The following CDK10 variants were observed in gnomAD, a reference collection of about 807,000 sequenced individuals.
The protein encoded by CDK10 is cyclin dependent kinase 10.
Under a neutral mutation model 51.0 loss-of-function variants are expected in CDK10, and 55 were observed. The ratio of observed to expected loss-of-function variants is 1.08; its 90% CI spans 0.87 to 1.35. The LOEUF (loss-of-function observed/expected upper bound fraction) is 1.35, where lower values mean the gene tolerates loss of function less well. Among genes scored for constraint, CDK10 ranks in the 40% most tolerant of loss-of-function variants. The pLI is 0.00. For missense variants in CDK10, 589 were observed against 485.1 expected (o/e 1.21, Z -2.01); for synonymous variants, 255 against 199.1 (o/e 1.28, Z -2.36).
chr16:89,695,149 CG>C (rs1335613975), intron 11 of CDK10, 79 bp downstream of exon 11: 12 of 1,552,700 alleles, frequency 7.7e-6, no homozygotes, highest in Non-Finnish European at 1.0e-5. Flanking sequence ...AGCCTCACTG[CG>C]GTGGAGAGGC....
At chr16:89,693,977 G>C in intron 8 of CDK10, 196 bp from the exon 9 acceptor site, 5 of 628,584 alleles carry the variant, frequency 8.0e-6, no homozygotes, top group Non-Finnish European at 1.4e-5. Context: ...TCAGGACACC[G>C]CTGCACGTGA....
chr16:89,692,503 T>TG lies in CDK10; in HGVS notation c.472_473insG (p.Phe158CysfsTer51). On this transcript the variant is annotated frameshift_variant, in exon 6 of 13. Transcript: ENST00000353379. LOFTEE classifies it high-confidence loss of function. ...GGGCCTCCAGTATCTGCACAGGAAC[T>TG]TCATTATCCACAGGTGGGTGACAGC... 6.3e-7 allele frequency: 1 copy of TG among 1,593,380 alleles called. No individual in the cohort carries two copies. The highest frequency in any genetic ancestry group is 2.4e-5 in the East Asian group (1 of 42,422).
chr16:89,695,542 C>T (rs953008615), intron 12 of CDK10, 53 bp from the exon 13 acceptor site: 11 of 1,561,480 alleles, frequency 7.0e-6, no homozygotes, highest in Non-Finnish European at 8.7e-6. Flanking sequence ...CCTGGGCCTG[C>T]TCCTCCTATC....
chr16:89,689,454 C>G (rs2093608108), intron 2 of CDK10, 130 bp downstream of exon 2: 2 of 738,216 alleles, frequency 2.7e-6, no homozygotes, highest in Non-Finnish European at 4.8e-6. Context: ...AGGGCAGAAA[C>G]CTGTTCAGGA....
chr16:89,691,309 T>C, intron 3 of CDK10, 134 bp from the exon 4 acceptor site: 1 of 552,412 alleles, frequency 1.8e-6, no homozygotes, highest in Non-Finnish European at 3.1e-6. Context: ...CTTATTGGGG[T>C]CGCCCCAATT....
At chr16:89,693,691 A>T in intron 8 of CDK10, 1 of 592,122 alleles carries the variant, frequency 1.7e-6, no homozygotes, top group Non-Finnish European at 3.0e-6. Context: ...TGCCTAGATC[A>T]GACACACCTC....
Position 89,695,848 on chromosome 16 carries a change from T to C in CDK10, c.*156T>C. The C allele has an allele frequency of 2.0e-6, 3 of 1,500,102 alleles. No individual in the cohort carries two copies. Among genetic ancestry groups the C allele is most frequent in the Non-Finnish European group, 2.7e-6 (3 of 1,112,682 alleles). 92.9% of individuals were successfully genotyped at this position (1,500,102 alleles called of 1,614,324 possible). A position where few individuals can be genotyped will look rare whatever the true frequency, so the allele number is the denominator to read the frequency against. On this transcript the variant is annotated 3_prime_UTR_variant, in exon 13 of 13. Coordinates refer to ENST00000353379, the MANE Select transcript of CDK10 (RefSeq NM_052988.5). The stretch of plus-strand genomic sequence containing the variant: ...ACTGACTTCCTCCCACTGTCTGCCC[T>C]GAACCCACTGCTGCCCCCAGAAAAA...
chr16:89,692,030 T>A, intron 5 of CDK10, 143 bp downstream of exon 5: 1 of 691,794 alleles, frequency 1.4e-6, no homozygotes, highest in Non-Finnish European at 2.4e-6. Context: ...CGAGCTTCAG[T>A]GAGGTGGAAT....
In CDK10 at chr16:89,695,999, T is replaced by G. The variant is rs1040508694; in HGVS notation, c.*307T>G. The G allele has an allele frequency of 5.0e-6, 3 of 605,342 alleles. No individual in the cohort carries two copies. Among genetic ancestry groups the G allele is most frequent in the East Asian group, 2.8e-5 (1 of 36,236 alleles). The allele number at this position is 605,342 out of a possible 1,614,324, so 37.5% of individuals were successfully genotyped here. A position where few individuals can be genotyped will look rare whatever the true frequency, so the allele number is the denominator to read the frequency against. On this transcript the variant is annotated 3_prime_UTR_variant, in exon 13 of 13. Coordinates refer to ENST00000353379, the MANE Select transcript of CDK10 (RefSeq NM_052988.5). ...ATGTTGGAAATGTGCAACCACTGCT[T>G]CTTGGGAGGAGTGGTGGGTGCAGTC...
chr16:89,692,538 T>C (rs1189098794), intron 6 of CDK10, 22 bp downstream of exon 6: 14 of 1,556,464 alleles, frequency 9.0e-6, no homozygotes, highest in Non-Finnish European at 1.2e-5. Context: ...CTAGGCAGAG[T>C]TGGAAGCACA....
At chr16:89,688,699 C>T (rs2060310699) in intron 1 of CDK10, among the ~76,000 whole-genome samples, 1 of 152,210 alleles carries the variant, frequency 6.6e-6, no homozygotes, top group Non-Finnish European at 1.5e-5. Context: ...GCAGCCTCTG[C>T]CACAGATGTA....
chr16:89,691,438 C>G lies in CDK10; in HGVS notation c.233-5C>G, dbSNP rs2060444230. ...GGGGCTCGCTGAGGCCACCTCCCTC[C>G]CCAGGCATCCCCATCAGCAGCTTGC... On this transcript the variant is annotated splice_polypyrimidine_tract_variant and splice_region_variant and intron_variant, in intron 3 of 12. Transcript: ENST00000353379. The G allele has an allele frequency of 3.1e-6, 5 of 1,599,222 alleles. No homozygotes were observed. Among genetic ancestry groups the G allele is most frequent in the Non-Finnish European group, 4.3e-6 (5 of 1,171,370 alleles).
At chr16:89,688,478 C>T (rs543940217) in intron 1 of CDK10, among the ~76,000 whole-genome samples, 1 of 152,270 alleles carries the variant, frequency 6.6e-6, no homozygotes, top group East Asian at 1.9e-4. Flanking sequence ...TTTTCACTCT[C>T]CCCTAACATT....
chr16:89,689,315 G>A lies in CDK10; in HGVS notation c.151G>A (p.Gly51Ser), dbSNP rs938780672. ...GAACCGCATTGGAGAGGGTACCTACGGCATTGTGTGTGAGTGGCCAAGGCT... is the reference window on the plus strand; with the variant it reads ...GAACCGCATTGGAGAGGGTACCTACAGCATTGTGTGTGAGTGGCCAAGGCT... The part of the protein sequence containing the change: ...KLNRIGEGTY[G>S]IVYRARDTQT... The change falls in exon 2 of 13, where the codon GGC (glycine) becomes AGC (serine). Residue 51 changes from glycine (G) to serine (S), a missense_variant. Gly to Ser is a moderately conservative substitution (Grantham distance 56). Transcript: ENST00000353379. 14 of 1,613,818 alleles carry A rather than the reference G, an allele frequency of 8.7e-6. No homozygotes were observed. Among genetic ancestry groups the A allele is most frequent in the African/African-American group, 1.3e-5 (1 of 74,906 alleles).
chr16:89,686,886 G>C, intron 1 of CDK10, 89 bp downstream of exon 1: 1 of 1,147,058 alleles, frequency 8.7e-7, no homozygotes, highest in East Asian at 2.8e-5. Context: ...GCGCTGCCGC[G>C]CCGAGGCTTC....
intron 8 of CDK10, chr16:89,693,735 C>T (rs1333357448): frequency 3.5e-6 from 2 of 569,532 alleles, no homozygotes; most frequent in African/African-American, 3.8e-5. Flanking sequence ...GGCCGTGAAA[C>T]CATCTCTGGA....
intron 11 of CDK10, 111 bp from the exon 12 acceptor site, chr16:89,695,182 C>G (rs564485825): frequency 1.6e-5 from 24 of 1,535,638 alleles, no homozygotes; most frequent in South Asian, 2.4e-5. Context: ...CACAGCCGCT[C>G]GGAGTGGCCA....
chr16:89,687,005 G>C, intron 1 of CDK10: 1 of 492,860 alleles, frequency 2.0e-6, no homozygotes, highest in East Asian at 3.6e-5. Flanking sequence ...CTGAGGGGCC[G>C]GGGCGGGCTC....
At chr16:89,689,352 C>G in intron 2 of CDK10, 28 bp downstream of exon 2, 1 of 1,600,340 alleles carries the variant, frequency 6.2e-7, no homozygotes, top group South Asian at 1.1e-5. Context: ...GGACATGTGG[C>G]CGCAGCTCGT....
Sources: gnomAD v4.1 joint callset for allele counts (sites outside exome capture counted in the v4.1 genomes callset) on GRCh38, gnomAD v4.1.1 for gene constraint, MANE v1.5 for transcripts, NCBI Gene and HGNC (gene_info 2026-07-23, HGNC 2026-07-21) for gene names.